Variants in POU6F2 observed in about 807,000 individuals in gnomAD.
The protein encoded by POU6F2 is POU class 6 homeobox 2, also known as POU domain, class 6, transcription factor 2.
POU6F2 carries 31 observed loss-of-function variants against 71.3 expected under a neutral mutation model. The ratio of observed to expected loss-of-function variants is 0.43; its 90% CI spans 0.33 to 0.59. POU6F2 has a LOEUF of 0.59. Among genes scored for constraint, POU6F2 ranks in the 20% least tolerant of loss-of-function variants. The pLI, the probability that POU6F2 is intolerant of heterozygous loss-of-function variation, is 0.04. For missense variants in POU6F2, 783 were observed against 856.8 expected, an observed-to-expected ratio of 0.91 and a Z score of 1.07; for synonymous variants, 347 against 355.7, an observed-to-expected ratio of 0.98 and a Z score of 0.27.
intron 6 of POU6F2, among the ~76,000 whole-genome samples, chr7:39,418,208 G>T (rs892974554): frequency 6.6e-6 from 1 of 152,118 alleles, no homozygotes; most frequent in Non-Finnish European, 1.5e-5. Context: ...GAACCAAATG[G>T]CTAGAACGGC....
intron 8 of POU6F2, among the ~76,000 whole-genome samples, chr7:39,455,640 T>C (rs1788782789): frequency 6.6e-6 from 1 of 152,186 alleles, no homozygotes; most frequent in Admixed American, 6.5e-5. Flanking sequence ...AGAAAGATGA[T>C]GTTGATGCAT....
chr7:39,072,071 T>C (rs1308877775), intron 1 of POU6F2, among the ~76,000 whole-genome samples: 2 of 152,042 alleles, frequency 1.3e-5, no homozygotes, highest in African/African-American at 2.4e-5. Flanking sequence ...TGGAGAAAGG[T>C]AGATACATGG....
At chr7:39,266,896 T>C (rs1273875776) in intron 4 of POU6F2, among the ~76,000 whole-genome samples, 1 of 152,176 alleles carries the variant, frequency 6.6e-6, no homozygotes, top group East Asian at 1.9e-4. Context: ...TACAATACTT[T>C]CCTGTTAACC....
At position 39,464,965 on chromosome 7, in the gene POU6F2, C is replaced by T. The variant is rs189294271; in HGVS notation, c.*279C>T. On this transcript the variant is annotated 3_prime_UTR_variant, in exon 10 of 10. Transcript: ENST00000518318. This position sits in a 1 kb window ranked among gnomAD's most constrained non-coding sequence, Gnocchi z 4.1. ...GTGTGGTAGGATAGTTCCCTTCCCCCACCTGTCTCCCCCAAAGCCAGTTTT... is the reference window on the plus strand; with the variant it reads ...GTGTGGTAGGATAGTTCCCTTCCCCTACCTGTCTCCCCCAAAGCCAGTTTT... The T allele has an allele frequency of 1.9e-4, 69 of 371,894 alleles. No individual in the cohort carries two copies. The East Asian group carries it at 2.7e-3, about 15-fold the overall frequency. The allele number at this position is 371,894 out of a possible 1,614,324, so 23.0% of individuals were successfully genotyped here.
rs1433789983 is a variant in POU6F2, at chr7:39,158,166, T to C, written c.278-46069T>C. ...TGATTGAGATTAAAGGAAACGTATA[T>C]AGTAAGCACAAAACATAGTATGTTG... On this transcript the variant is annotated intron_variant, in intron 2 of 9. Transcript: ENST00000518318. Among the ~76,000 whole-genome samples, 4 of 152,320 alleles carry C rather than the reference T, an allele frequency of 2.6e-5. No homozygotes were observed. The East Asian group carries it at 5.8e-4, about 22-fold the overall frequency.
intron 4 of POU6F2, among the ~76,000 whole-genome samples, chr7:39,288,555 C>T (rs1243336452): frequency 6.6e-6 from 1 of 152,202 alleles, no homozygotes; most frequent in Non-Finnish European, 1.5e-5. Context: ...ATACAACCAC[C>T]TGGTCCATTG....
chr7:39,060,308 G>A lies in POU6F2; in HGVS notation c.106-25552G>A, dbSNP rs572070866. ...GTAAAGCTGTAGAGACAGAAAATCA[G>A]TAGTTTCTTAGGGCTGGGGTATGAG... On this transcript the variant is annotated intron_variant, in intron 1 of 9. Transcript: ENST00000518318. Among the ~76,000 whole-genome samples, 4 of 152,196 alleles carry A rather than the reference G, an allele frequency of 2.6e-5. No homozygotes were observed. In the South Asian group the frequency reaches 8.3e-4, roughly 32 times the overall value.
At chr7:39,280,273 G>A (rs1303864336) in intron 4 of POU6F2, among the ~76,000 whole-genome samples, 1 of 152,186 alleles carries the variant, frequency 6.6e-6, no homozygotes, top group Non-Finnish European at 1.5e-5. Context: ...CCCAAGGTGT[G>A]TGCAGATGGC....
At chr7:39,240,684 A>T (rs1783709422) in intron 4 of POU6F2, among the ~76,000 whole-genome samples, 1 of 152,170 alleles carries the variant, frequency 6.6e-6, no homozygotes, top group Non-Finnish European at 1.5e-5. Context: ...GTAGGTACTA[A>T]AAAAGTATTG....
intron 1 of POU6F2, among the ~76,000 whole-genome samples, chr7:39,073,786 G>A (rs1185106928): frequency 1.3e-5 from 2 of 152,234 alleles, no homozygotes; most frequent in African/African-American, 4.8e-5. Flanking sequence ...TTCCCAGCGT[G>A]TGCTATTGCA....
chr7:39,425,155 T>A (rs747268679), intron 6 of POU6F2, among the ~76,000 whole-genome samples: 3 of 152,040 alleles, frequency 2.0e-5, no homozygotes, highest in Non-Finnish European at 4.4e-5. Flanking sequence ...ATTCATCCTG[T>A]CTTAACATCA....
intron 5 of POU6F2, among the ~76,000 whole-genome samples, chr7:39,369,527 A>AT (rs1020483284): frequency 6.0e-5 from 9 of 150,280 alleles, no homozygotes; most frequent in Non-Finnish European, 8.9e-5. Context: ...TGCCCAGCTA[A>AT]TTTTTTTTTG....
At chr7:39,162,913 T>C (rs1793027480) in intron 2 of POU6F2, among the ~76,000 whole-genome samples, 1 of 151,586 alleles carries the variant, frequency 6.6e-6, no homozygotes, top group Non-Finnish European at 1.5e-5. Flanking sequence ...GTTTGTCATA[T>C]CATTCTAGGG....
chr7:39,142,431 A>T (rs1173754621), intron 2 of POU6F2, among the ~76,000 whole-genome samples: 4 of 152,210 alleles, frequency 2.6e-5, no homozygotes, highest in Non-Finnish European at 5.9e-5. Context: ...AAGCTTGTAG[A>T]TGTCCCTATG....
At chr7:39,278,069 T>C (rs561363315) in intron 4 of POU6F2, among the ~76,000 whole-genome samples, 21 of 119,428 alleles carry the variant, frequency 1.8e-4, no homozygotes, top group Admixed American at 1.2e-3. Flanking sequence ...TGAGACTCCG[T>C]TGAAAGAAAG....
intron 1 of POU6F2, among the ~76,000 whole-genome samples, chr7:39,039,264 T>G (rs868763041): frequency 2.0e-5 from 3 of 152,046 alleles, no homozygotes; most frequent in African/African-American, 2.4e-5. Flanking sequence ...GAATGCTGGC[T>G]TCACATTTAA....
rs144970822 is a variant in POU6F2 at position 39,025,322 on chromosome 7, G to A, written c.105+47264G>A. On this transcript the variant is annotated intron_variant, in intron 1 of 9. Transcript: ENST00000518318. ...CCTAAGCCAAAAGGACAAAGCTGGAGGCATCACGCTACCTGACTTCAGACT... is the reference window on the plus strand; with the variant it reads ...CCTAAGCCAAAAGGACAAAGCTGGAAGCATCACGCTACCTGACTTCAGACT... Among the ~76,000 whole-genome samples, 908 of 152,208 alleles carry A rather than the reference G, an allele frequency of 6.0e-3. 10 individuals carry two copies. The highest frequency in any genetic ancestry group is 0.021 in the African/African-American group (861 of 41,508).
rs1793963713 is a variant in POU6F2, at chr7:39,204,314, A to G, written c.357A>G (p.Pro119=). The change falls in exon 3 of 10, where the codon CCA becomes CCG. Residue 119 remains proline, a synonymous_variant. Transcript: ENST00000518318. ...CCAGTCAGACCCACCCCCCATTTCCAGTTGGGCCACAGGTCAGTATCTCTC... is the reference window on the plus strand; with the variant it reads ...CCAGTCAGACCCACCCCCCATTTCCGGTTGGGCCACAGGTCAGTATCTCTC... ...HQASQTHPPF[P]VGPQPLLTAQ... 1.2e-6 allele frequency: 2 copies of G among 1,613,296 alleles called. No homozygotes were observed. The highest frequency in any genetic ancestry group is 1.6e-4 in the Middle Eastern group (1 of 6,080).
intron 1 of POU6F2, among the ~76,000 whole-genome samples, chr7:39,051,025 G>A (rs1165362009): frequency 6.6e-6 from 1 of 151,982 alleles, no homozygotes; most frequent in Non-Finnish European, 1.5e-5. Flanking sequence ...TTCCCCATAA[G>A]CTGCAGCATC....
Sources: allele counts gnomAD v4.1 joint callset (sites outside exome capture counted in the v4.1 genomes callset), GRCh38; gene constraint gnomAD v4.1.1; non-coding constraint Gnocchi (gnomAD v3.1); transcripts MANE v1.5; gene names NCBI Gene and HGNC (gene_info 2026-07-23, HGNC 2026-07-21).